Variants in TPR observed in about 807,000 individuals in gnomAD.
TPR encodes the protein nucleoprotein TPR.
In TPR, 51 loss-of-function variants were observed where a neutral mutation model predicts 316.1. That is an observed-to-expected ratio of 0.16 (90% CI 0.13 to 0.20). The LOEUF is 0.20. Ranked by LOEUF, TPR falls within the 10% of genes least tolerant of loss-of-function variation. TPR has a pLI of 1.00. For missense variants in TPR, 2,272 were observed against 2,754.8 expected (o/e 0.82, Z 3.92); for synonymous variants, 981 against 914.7 (o/e 1.07, Z -1.31).
chr1:186,312,130 TA>T lies in TPR; in HGVS notation c.*1840del, dbSNP rs1337399320. On this transcript the variant is annotated 3_prime_UTR_variant, in exon 51 of 51. Coordinates refer to ENST00000367478, the MANE Select transcript of TPR (RefSeq NM_003292.3). ...TGTTTTCCACCTTTTCTGAGGGTAT[TA>T]AAATTAATTTTCATTTTCCATGTGA... 6.4e-7 allele frequency: 1 copy of T among 1,566,582 alleles called. No individual in the cohort carries two copies.
Position 186,326,197 on chromosome 1 carries a change from TTCATCA to T in TPR, c.5922_5927del (p.Asp1974_Asp1975del), listed in dbSNP as rs748538527. 1.2e-6 allele frequency: 2 copies of T among 1,607,856 alleles called. No homozygotes were observed. The highest frequency in any genetic ancestry group is 1.1e-5 in the South Asian group (1 of 90,886). Reference sequence around the variant, plus strand: ...CCTCATCTCCCATCCCTGTGTCATCTTCATCATCATCATCATCTTCCTCATCCTCTT... The same window carrying T: ...CCTCATCTCCCATCCCTGTGTCATCTTCATCATCATCTTCCTCATCCTCTT... On this transcript the variant is annotated inframe_deletion, in exon 41 of 51. Coordinates refer to ENST00000367478, the MANE Select transcript of TPR (RefSeq NM_003292.3).
chr1:186,331,597 CTAATA>C lies in TPR; in HGVS notation c.5605-21_5605-17del, dbSNP rs1658168493. On this transcript the variant is annotated splice_polypyrimidine_tract_variant and intron_variant, in intron 38 of 50. Coordinates refer to ENST00000367478, the MANE Select transcript of TPR (RefSeq NM_003292.3). ...TAACTTCTTCCTGTATCATAATACACTAATATATTAACCATATCAGTGTAGTAGAT... is the reference window on the plus strand; with the variant it reads ...TAACTTCTTCCTGTATCATAATACACTATTAACCATATCAGTGTAGTAGAT... 6.3e-7 allele frequency: 1 copy of C among 1,577,424 alleles called. No individual in the cohort carries two copies. The highest frequency in any genetic ancestry group is 2.3e-5 in the East Asian group (1 of 44,198).
chr1:186,359,883 T>C lies in TPR; in HGVS notation c.1305A>G (p.Pro435=). The C allele has an allele frequency of 1.2e-6, 2 of 1,605,148 alleles. No homozygotes were observed. Among genetic ancestry groups the C allele is most frequent in the South Asian group, 1.1e-5 (1 of 88,828 alleles). ...ATTCCTCACGCTGGCGTTTCAAAATTGGTGCTTTGGCTTCCACTTCTTTCA... is the reference window on the plus strand; with the variant it reads ...ATTCCTCACGCTGGCGTTTCAAAATCGGTGCTTTGGCTTCCACTTCTTTCA... ...EIVKEVEAKA[P]ILKRQREEYE... is the part of the protein sequence containing the mutation. Residue 435 remains proline, a synonymous_variant, in exon 12 of 51, where the codon CCA becomes CCG. Transcript: ENST00000367478.
At chr1:186,333,529 T>C (rs1401142412) in intron 36 of TPR, 135 bp from the exon 37 acceptor site, 1 of 1,027,170 alleles carries the variant, frequency 9.7e-7, no homozygotes, top group Non-Finnish European at 1.4e-6. Flanking sequence ...TAGGTAAAGG[T>C]AATGTATTAT....
chr1:186,371,186 T>G, intron 2 of TPR, 143 bp from the exon 3 acceptor site: 1 of 641,786 alleles, frequency 1.6e-6, no homozygotes, highest in East Asian at 2.8e-5. Flanking sequence ...ACATTCCAAA[T>G]TCATGAATGC....
At chr1:186,341,971 A>G (rs75951287) in intron 27 of TPR, 1 of 146,530 alleles carries the variant, frequency 6.8e-6, no homozygotes, top group Non-Finnish European at 1.5e-5. Flanking sequence ...TTACTATTAT[A>G]ATTTTTTTTT....
chr1:186,352,015 C>T lies in TPR; in HGVS notation c.2430G>A (p.Arg810=). Residue 810 remains arginine (R), a synonymous_variant, in exon 19 of 51, where the codon AGG becomes AGA. Transcript: ENST00000367478. The part of the protein sequence containing the change: ...QQRESLLAEQ[R]GQNLLLTNLQ... Reference sequence around the variant, plus strand: ...GATTAGTTAGCAGTAAGTTTTGCCCCCTTTGTTCAGCTAACAAAGACTCTC... The same window carrying T: ...GATTAGTTAGCAGTAAGTTTTGCCCTCTTTGTTCAGCTAACAAAGACTCTC... 1 of 1,607,054 alleles carries T rather than the reference C, an allele frequency of 6.2e-7. No homozygotes were observed. Among genetic ancestry groups the T allele is most frequent in the South Asian group, 1.1e-5 (1 of 89,574 alleles).
chr1:186,327,313 T>A (rs1303207222), intron 40 of TPR, 147 bp downstream of exon 40: 2 of 68,268 alleles, frequency 2.9e-5, no homozygotes, highest in Non-Finnish European at 5.4e-5. Flanking sequence ...TATAATATAT[T>A]AAATATATAA....
chr1:186,373,527 GTTAT>G, intron 1 of TPR, 64 bp from the exon 2 acceptor site: 6 of 928,512 alleles, frequency 6.5e-6, no homozygotes, highest in Middle Eastern at 2.6e-4. Flanking sequence ...TGTGAATACT[GTTAT>G]TTATTTCTAA....
intron 2 of TPR, among the ~76,000 whole-genome samples, chr1:186,371,740 T>C (rs1403293381): frequency 6.6e-6 from 1 of 152,236 alleles, no homozygotes; most frequent in East Asian, 1.9e-4. Context: ...TCTTAACTTC[T>C]ATTTAAAGAG....
rs571501120 is a variant in TPR at position 186,354,517 on chromosome 1, T to C, written c.2172-667A>G. On this transcript the variant is annotated intron_variant, in intron 17 of 50. Transcript: ENST00000367478. ...AACAGAGAAAAAAGAAGTGCTTTAA[T>C]TGGGGTTGCTGAACTATTAGATGTA... Among the ~76,000 whole-genome samples the C allele has an allele frequency of 3.3e-5, 5 of 152,242 alleles. No individual in the cohort carries two copies. In the East Asian group the frequency reaches 9.6e-4, roughly 29 times the overall value.
chr1:186,323,285 T>A (rs530451467), intron 43 of TPR, among the ~76,000 whole-genome samples: 1 of 152,294 alleles, frequency 6.6e-6, no homozygotes, highest in Admixed American at 6.5e-5. Flanking sequence ...GAAAAAATAT[T>A]CTTCTGTTAA....
At chr1:186,353,913 A>G in intron 17 of TPR, 63 bp from the exon 18 acceptor site, 1 of 1,493,320 alleles carries the variant, frequency 6.7e-7, no homozygotes, top group South Asian at 1.2e-5. Context: ...TCCCTTGAAG[A>G]AATTTCACAA....
Position 186,367,898 on chromosome 1 carries a change from C to G in TPR, c.415G>C (p.Glu139Gln). The G allele has an allele frequency of 1.9e-6, 3 of 1,608,340 alleles. No individual in the cohort carries two copies. Among genetic ancestry groups the G allele is most frequent in the Non-Finnish European group, 2.5e-6 (3 of 1,176,908 alleles). Reference sequence around the variant, plus strand: ...CACTTCTTCATACCTGTTAAGTATTCAAGTTCTTGAGATAGTCTCTCATTG... The same window carrying G: ...CACTTCTTCATACCTGTTAAGTATTGAAGTTCTTGAGATAGTCTCTCATTG... ...RTNERLSQEL[E>Q]YLTEDVKRLN... Residue 139 changes from glutamate to glutamine, a missense_variant, in exon 4 of 51, where the codon GAA (glutamate) becomes CAA (glutamine). Glu to Gln is a conservative substitution (Grantham distance 29). Around this residue, in one of 10 missense-constraint regions of TPR, gnomAD observed 549 missense variants for 598.6 expected, o/e 0.92. Transcript: ENST00000367478.
At chr1:186,354,349 G>A (rs1658959519) in intron 17 of TPR, among the ~76,000 whole-genome samples, 1 of 152,100 alleles carries the variant, frequency 6.6e-6, no homozygotes, top group East Asian at 1.9e-4. Context: ...GATAACACCA[G>A]ACACCCACTA....
chr1:186,373,130 T>A (rs1471027504), intron 2 of TPR, among the ~76,000 whole-genome samples: 1 of 152,196 alleles, frequency 6.6e-6, no homozygotes, highest in Admixed American at 6.5e-5. Context: ...GCAAAAGCAA[T>A]TTTAATAGCA....
intron 48 of TPR, 54 bp downstream of exon 48, chr1:186,318,393 A>AT: frequency 1.9e-6 from 3 of 1,545,562 alleles, no homozygotes; most frequent in Non-Finnish European, 2.6e-6. Context: ...AGGAAAACAA[A>AT]TGTACAAGTC....
At chr1:186,372,374 T>C (rs560398390) in intron 2 of TPR, among the ~76,000 whole-genome samples, 63 of 152,220 alleles carry the variant, frequency 4.1e-4, no homozygotes, top group African/African-American at 1.4e-3. Context: ...AACCACTGTA[T>C]CTACTAAAAA....
rs1159997630 is a variant in TPR, at chr1:186,318,530, T to C, written c.6738A>G (p.Thr2246=). The change falls in exon 48 of 51, where the codon ACA becomes ACG. Residue 2246 remains threonine (T), a synonymous_variant. Coordinates refer to ENST00000367478, the MANE Select transcript of TPR (RefSeq NM_003292.3). ...TTGTTGTAGATAAAGTGCCAGTGGA[T>C]GTAGTCACCATTGGAACAGATTGAG... The part of the protein sequence containing the change: ...HASQSVPMVT[T]STGTLSTTNE... 4 of 1,614,058 alleles carry C rather than the reference T, an allele frequency of 2.5e-6. No homozygotes were observed. The highest frequency in any genetic ancestry group is 1.3e-5 in the African/African-American group (1 of 74,938).
Sources: allele counts gnomAD v4.1 joint callset (sites outside exome capture counted in the v4.1 genomes callset), GRCh38; gene constraint gnomAD v4.1.1; regional missense constraint gnomAD v4.1.1; transcripts MANE v1.5; gene names NCBI Gene and HGNC (gene_info 2026-07-23, HGNC 2026-07-21).